Variants in SLC4A4 observed in about 807,000 individuals in gnomAD.
The protein encoded by SLC4A4 is solute carrier family 4 member 4, also known as electrogenic sodium bicarbonate cotransporter 1.
In SLC4A4, 27 loss-of-function variants were observed where a neutral mutation model predicts 111.5. The observed-to-expected ratio is 0.24, with a 90% CI of 0.18 to 0.33. The LOEUF is 0.33. Ranked by LOEUF, SLC4A4 falls within the 10% of genes least tolerant of loss-of-function variation. The pLI is 1.00. For synonymous variants in SLC4A4, 443 were observed against 463.4 expected (o/e 0.96, Z 0.57); for missense variants, 909 against 1,315.5 (o/e 0.69, Z 4.78).
At chr4:71,531,754 TACACACACACAC>T (rs56164928) in intron 16 of SLC4A4, among the ~76,000 whole-genome samples, 81,360 of 127,922 alleles carry the variant, frequency 0.64, 26,464 homozygotes, top group Non-Finnish European at 0.71. Flanking sequence ...CCTCCCTGCC[TACACACACACAC>T]ACACACACAC....
chr4:71,235,981 A>ATGTGACTCAAAGCT, intron 1 of SLC4A4: 1 of 945,426 alleles, frequency 1.1e-6, no homozygotes, highest in Non-Finnish European at 1.3e-6. Flanking sequence ...TAAGGCCAGC[A>ATGTGACTCAAAGCT]TGTGACTCAA....
At chr4:71,438,230 G>A (rs754534680) in intron 7 of SLC4A4, among the ~76,000 whole-genome samples, 1 of 152,156 alleles carries the variant, frequency 6.6e-6, no homozygotes, top group Non-Finnish European at 1.5e-5. Context: ...TTAGAGAAGC[G>A]CTGCACCTTT....
chr4:71,516,909 G>C (rs1187046607), intron 16 of SLC4A4, among the ~76,000 whole-genome samples: 1 of 152,114 alleles, frequency 6.6e-6, no homozygotes, highest in African/African-American at 2.4e-5. Flanking sequence ...TCAGCTCTTT[G>C]AATATATCAT....
chr4:71,279,378 A>G (rs1018894308), intron 3 of SLC4A4, among the ~76,000 whole-genome samples: 4 of 152,110 alleles, frequency 2.6e-5, no homozygotes, highest in Non-Finnish European at 4.4e-5. Context: ...ACTAAACATA[A>G]TATCCTCCAT....
intron 3 of SLC4A4, among the ~76,000 whole-genome samples, chr4:71,298,033 G>A (rs1724948017): frequency 1.3e-5 from 2 of 152,154 alleles, no homozygotes; most frequent in African/African-American, 4.8e-5. Context: ...ACCTTTCTGA[G>A]GCTCTGTTTC....
chr4:71,089,907 C>G (rs1261055046), intron 1 of SLC4A4, among the ~76,000 whole-genome samples: 1 of 122,030 alleles, frequency 8.2e-6, no homozygotes, highest in African/African-American at 2.7e-5. Flanking sequence ...GGGAGAACCA[C>G]TACTCTCTTC....
intron 16 of SLC4A4, among the ~76,000 whole-genome samples, chr4:71,513,846 G>A (rs961280765): frequency 6.6e-6 from 1 of 152,130 alleles, no homozygotes; most frequent in Non-Finnish European, 1.5e-5. Flanking sequence ...ATGAAAGGAT[G>A]TTGTATTTTA....
intron 18 of SLC4A4, among the ~76,000 whole-genome samples, chr4:71,538,975 GA>G (rs1734806896): frequency 6.6e-6 from 1 of 152,064 alleles, no homozygotes; most frequent in African/African-American, 2.4e-5. Flanking sequence ...TTCTCACAAG[GA>G]AGGTGATTTC....
intron 3 of SLC4A4, among the ~76,000 whole-genome samples, chr4:71,308,197 A>T (rs920318283): frequency 1.3e-5 from 2 of 152,188 alleles, no homozygotes; most frequent in African/African-American, 4.8e-5. Flanking sequence ...TGAGAAAAAA[A>T]ATCATATACC....
chr4:71,178,953 C>T (rs568423024), intron 2 of SLC4A4, among the ~76,000 whole-genome samples: 64 of 152,292 alleles, frequency 4.2e-4, no homozygotes, highest in South Asian at 1.2e-3. Flanking sequence ...CAAAAATCCT[C>T]AATAAAATAC....
At chr4:71,101,590 C>T (rs1202610731) in intron 2 of SLC4A4, among the ~76,000 whole-genome samples, 5 of 152,156 alleles carry the variant, frequency 3.3e-5, no homozygotes, top group Admixed American at 1.3e-4. Context: ...GGGCAGACTG[C>T]CTCCTCAGGT....
At chr4:71,361,515 T>A (rs1467809820) in intron 6 of SLC4A4, among the ~76,000 whole-genome samples, 2 of 152,264 alleles carry the variant, frequency 1.3e-5, no homozygotes, top group Non-Finnish European at 2.9e-5. Context: ...AGGCAAATGC[T>A]ATCATTTCTC....
intron 2 of SLC4A4, among the ~76,000 whole-genome samples, chr4:71,239,456 CTT>C (rs1389017110): frequency 2.6e-5 from 4 of 152,208 alleles, no homozygotes; most frequent in Non-Finnish European, 4.4e-5. Flanking sequence ...GATACTCTCT[CTT>C]AGTTGCTTCG....
intron 6 of SLC4A4, among the ~76,000 whole-genome samples, chr4:71,359,020 AT>A (rs1730528900): frequency 6.6e-6 from 1 of 152,242 alleles, no homozygotes; most frequent in Non-Finnish European, 1.5e-5. Context: ...TGGAATGAAT[AT>A]GGCATGCAGG....
At chr4:71,203,114 G>C (rs1244879358) in intron 1 of SLC4A4, among the ~76,000 whole-genome samples, 1 of 152,064 alleles carries the variant, frequency 6.6e-6, no homozygotes, top group East Asian at 1.9e-4. Context: ...TACTAGATGT[G>C]TAAAAATGTA....
intron 3 of SLC4A4, among the ~76,000 whole-genome samples, chr4:71,296,170 A>G (rs986525460): frequency 6.6e-6 from 1 of 150,456 alleles, no homozygotes; most frequent in African/African-American, 2.5e-5. Context: ...CTGTGTTTTT[A>G]TTTTCATAGT....
At chr4:71,408,529 A>C (rs534876882) in intron 7 of SLC4A4, among the ~76,000 whole-genome samples, 1 of 152,086 alleles carries the variant, frequency 6.6e-6, no homozygotes, top group Non-Finnish European at 1.5e-5. Flanking sequence ...TTAAATTTGC[A>C]TTGTTAATTT....
chr4:71,183,758 A>G (rs2148989276), upstream of SLC4A4, among the ~76,000 whole-genome samples: 1 of 152,354 alleles, frequency 6.6e-6, no homozygotes, highest in Admixed American at 6.5e-5. Flanking sequence ...CAGCACAAAG[A>G]AAATCTCTAT....
chr4:71,455,868 T>C (rs1726216365), intron 12 of SLC4A4, among the ~76,000 whole-genome samples: 1 of 152,162 alleles, frequency 6.6e-6, no homozygotes, highest in Non-Finnish European at 1.5e-5. Flanking sequence ...ATGGATGAAC[T>C]TCTTTATGAG....
Sources: gnomAD v4.1 joint callset for allele counts (sites outside exome capture counted in the v4.1 genomes callset) on GRCh38, gnomAD v4.1.1 for gene constraint, MANE v1.5 for transcripts, NCBI Gene and HGNC (gene_info 2026-07-23, HGNC 2026-07-21) for gene names.